The following MIS18A variants were observed in gnomAD, a reference collection of about 807,000 sequenced individuals.
The protein encoded by MIS18A is protein Mis18-alpha.
A neutral mutation model predicts 25.0 loss-of-function variants in MIS18A; 14 were observed. The ratio of observed to expected loss-of-function variants is 0.56; its 90% CI spans 0.37 to 0.88. The LOEUF is 0.88. Among genes scored for constraint, MIS18A ranks in the 40% least tolerant of loss-of-function variants. The pLI, the probability that MIS18A is intolerant of heterozygous loss-of-function variation, is 0.00. For synonymous variants in MIS18A, 134 were observed against 118.6 expected (o/e 1.13, Z -0.84); for missense variants, 292 against 290.8 (o/e 1.00, Z -0.03).
rs2031696542 is a variant in MIS18A, at chr21:32,270,593, C to CT, written c.402-65dup. On this transcript the variant is annotated intron_variant, in intron 2 of 4. Coordinates refer to ENST00000290130, the MANE Select transcript of MIS18A (RefSeq NM_018944.3). ...GCAACTCATTATAATAAAAATCTCA[C>CT]TGTTAAAATCCATAAACACCTCAGT... The CT allele has an allele frequency of 2.1e-6, 3 of 1,454,956 alleles. No homozygotes were observed. The East Asian group carries it at 7.5e-5, about 36-fold the overall frequency. The allele number at this position is 1,454,956 out of a possible 1,614,324, so 90.1% of individuals were successfully genotyped here.
chr21:32,249,371 CG>C, the MIS18A span, among the ~76,000 whole-genome samples: 2 of 152,156 alleles, frequency 1.3e-5, no homozygotes, highest in Admixed American at 6.5e-5. Context: ...GCTGCCCGGG[CG>C]GGGAAAGACA....
At chr21:32,178,807 GTCTAGTC>G in the MIS18A span, among the ~76,000 whole-genome samples, 1 of 152,116 alleles carries the variant, frequency 6.6e-6, no homozygotes, top group Non-Finnish European at 1.5e-5. Flanking sequence ...CCGCCATTCT[GTCTAGTC>G]TCTCCTTTTG....
At chr21:32,242,552 C>A in the MIS18A span, among the ~76,000 whole-genome samples, 6 of 152,042 alleles carry the variant, frequency 3.9e-5, no homozygotes, top group Non-Finnish European at 7.4e-5. Flanking sequence ...TGTCTCTGCT[C>A]CCTGTTTGTA....
At chr21:32,244,814 GGAAGGATTTT>G in the MIS18A span, among the ~76,000 whole-genome samples, 1 of 152,102 alleles carries the variant, frequency 6.6e-6, no homozygotes, top group Admixed American at 6.5e-5. Context: ...GCACAAAGAT[GGAAGGATTTT>G]ATATAGAAGA....
the MIS18A span, among the ~76,000 whole-genome samples, chr21:32,191,211 G>A: frequency 0.013 from 1,924 of 152,252 alleles, 32 homozygotes; most frequent in African/African-American, 0.043. Context: ...AATTCCCAGT[G>A]CCCCCACAAT....
chr21:32,209,756 C>T, the MIS18A span, among the ~76,000 whole-genome samples: 4,063 of 152,112 alleles, frequency 0.027, 189 homozygotes, highest in African/African-American at 0.091. Flanking sequence ...TCATGAGATC[C>T]GATGGTTTTT....
chr21:32,258,738 C>T, the MIS18A span, among the ~76,000 whole-genome samples: 2 of 152,158 alleles, frequency 1.3e-5, no homozygotes, highest in Non-Finnish European at 2.9e-5. Flanking sequence ...TAAGTCAGCT[C>T]GTGTCACACT....
the MIS18A span, among the ~76,000 whole-genome samples, chr21:32,164,910 A>G: frequency 6.6e-6 from 1 of 152,258 alleles, no homozygotes; most frequent in Non-Finnish European, 1.5e-5. Context: ...TTCTAGAATA[A>G]CATCCTTAAA....
At chr21:32,255,981 T>A in the MIS18A span, among the ~76,000 whole-genome samples, 9 of 152,142 alleles carry the variant, frequency 5.9e-5, no homozygotes, top group African/African-American at 2.2e-4. Flanking sequence ...TTTTATCTCA[T>A]CCCTAACTGG....
chr21:32,174,927 A>G, the MIS18A span, among the ~76,000 whole-genome samples: 1 of 152,222 alleles, frequency 6.6e-6, no homozygotes, highest in Non-Finnish European at 1.5e-5. Flanking sequence ...TAAATTTTCT[A>G]AACACTATGG....
At chr21:32,214,862 C>T in the MIS18A span, among the ~76,000 whole-genome samples, 2 of 152,226 alleles carry the variant, frequency 1.3e-5, no homozygotes, top group African/African-American at 2.4e-5. Flanking sequence ...GCCCCAGCCC[C>T]GGAGCCTCTG....
the MIS18A span, among the ~76,000 whole-genome samples, chr21:32,262,594 C>G: frequency 2.0e-5 from 3 of 152,198 alleles, no homozygotes; most frequent in Non-Finnish European, 4.4e-5. Flanking sequence ...TCACTTCCCC[C>G]CTTTCAACAT....
At chr21:32,155,924 T>G in the MIS18A span, among the ~76,000 whole-genome samples, 1 of 148,730 alleles carries the variant, frequency 6.7e-6, no homozygotes, top group Non-Finnish European at 1.5e-5. Context: ...TCAGTCTTGG[T>G]AAAATAACCA....
the MIS18A span, among the ~76,000 whole-genome samples, chr21:32,255,304 C>T: frequency 1.3e-5 from 2 of 151,600 alleles, no homozygotes; most frequent in Non-Finnish European, 2.9e-5. Flanking sequence ...AATCTTGGCT[C>T]ACTGCAACCT....
the MIS18A span, among the ~76,000 whole-genome samples, chr21:32,253,628 G>A: frequency 2.0e-5 from 3 of 152,024 alleles, no homozygotes; most frequent in African/African-American, 7.2e-5. Flanking sequence ...TGAGCGACCT[G>A]CCCCCACTGC....
At chr21:32,165,420 A>G in the MIS18A span, among the ~76,000 whole-genome samples, 1 of 142,430 alleles carries the variant, frequency 7.0e-6, no homozygotes, top group Non-Finnish European at 1.5e-5. Flanking sequence ...TAATTAACTA[A>G]GTAACATGAT....
At chr21:32,227,226 G>C in the MIS18A span, among the ~76,000 whole-genome samples, 1 of 151,532 alleles carries the variant, frequency 6.6e-6, no homozygotes, top group Non-Finnish European at 1.5e-5. Flanking sequence ...CAAAATAAAC[G>C]AAATAGAGAA....
At chr21:32,226,781 G>T in the MIS18A span, among the ~76,000 whole-genome samples, 1 of 152,078 alleles carries the variant, frequency 6.6e-6, no homozygotes, top group African/African-American at 2.4e-5. Flanking sequence ...GAACACTTCA[G>T]AATACATATT....
intron 1 of MIS18A, 93 bp downstream of exon 1, chr21:32,278,587 CA>C: frequency 7.7e-7 from 1 of 1,301,666 alleles, no homozygotes; most frequent in Non-Finnish European, 1.0e-6. Flanking sequence ...TGGGCAGCCC[CA>C]AGGAGCCCCC....
Sources: gnomAD v4.1 joint callset for allele counts (sites outside exome capture counted in the v4.1 genomes callset) on GRCh38, gnomAD v4.1.1 for gene constraint, MANE v1.5 for transcripts, NCBI Gene and HGNC (gene_info 2026-07-23, HGNC 2026-07-21) for gene names.